Variants in ORC4 observed in about 807,000 individuals in gnomAD.
The protein encoded by ORC4 is origin recognition complex subunit 4, also known as origin recognition complex, subunit 4 homolog.
Under a neutral mutation model 63.9 loss-of-function variants are expected in ORC4, and 55 were observed. The observed-to-expected ratio is 0.86, with a 90% CI of 0.69 to 1.08. The LOEUF is 1.08. Among genes scored for constraint, ORC4 ranks in the 50% least tolerant of loss-of-function variants. The probability of loss-of-function intolerance (pLI) is 0.00; values close to 1 mark genes in which losing one functional copy is unlikely to be tolerated. For missense variants in ORC4, 511 were observed against 504.4 expected, an observed-to-expected ratio of 1.01 and a Z score of -0.13; for synonymous variants, 150 against 168.5, an observed-to-expected ratio of 0.89 and a Z score of 0.85.
At chr2:148,015,345 C>T (rs1409719050) in intron 1 of ORC4, among the ~76,000 whole-genome samples, 2 of 114,352 alleles carry the variant, frequency 1.7e-5, no homozygotes, top group Non-Finnish European at 3.3e-5. Flanking sequence ...GATGGAGTCT[C>T]TCTCTGTTGC....
In ORC4 at chr2:147,982,162, T is replaced by C. The variant is rs1415127535; in HGVS notation, c.-17-6187A>G. 3.3e-5 allele frequency: 5 copies of C among 152,350 alleles called. 1 individual carries two copies. Among genetic ancestry groups the C allele is most frequent in the African/African-American group, 1.2e-4 (5 of 41,586 alleles). The allele number at this position is 152,350 out of a possible 1,614,324, so 9.4% of individuals were successfully genotyped here. A position where few individuals can be genotyped will look rare whatever the true frequency, so the allele number is the denominator to read the frequency against. On this transcript the variant is annotated intron_variant, in intron 1 of 13. Coordinates refer to ENST00000392857, the MANE Select transcript of ORC4 (RefSeq NM_181741.4). The stretch of plus-strand genomic sequence containing the variant: ...TTCTTTCTTAGAAGAAAAGTGGTCT[T>C]CTCAGCTGTCTTAGGATACCTTCTA...
intron 1 of ORC4, among the ~76,000 whole-genome samples, chr2:148,002,169 C>T (rs772443758): frequency 2.0e-5 from 3 of 152,086 alleles, no homozygotes; most frequent in African/African-American, 7.2e-5. Flanking sequence ...CAGTGGGAGA[C>T]TTTAACACCC....
intron 1 of ORC4, among the ~76,000 whole-genome samples, chr2:147,991,960 A>T (rs781699950): frequency 2.6e-5 from 4 of 152,230 alleles, no homozygotes; most frequent in Non-Finnish European, 5.9e-5. Context: ...TAGTTGGAGG[A>T]CTTCTTTAAA....
At position 147,932,445 on chromosome 2, in the gene ORC4, GAA is replaced by G. The variant is rs1211947751; in HGVS notation, c.*3063_*3064del. ...ACCAATGACTTTCTTCACAGAATTG[GAA>G]AAAACTACTTAAGTTCATATGGAAC... On this transcript the variant is annotated 3_prime_UTR_variant, in exon 14 of 14. Coordinates refer to ENST00000392857, the MANE Select transcript of ORC4 (RefSeq NM_181741.4). 6.6e-6 allele frequency: 1 copy of G among 152,036 alleles called. No individual in the cohort carries two copies. The highest frequency in any genetic ancestry group is 2.4e-5 in the African/African-American group (1 of 41,372). 9.4% of individuals were successfully genotyped at this position (152,036 alleles called of 1,614,324 possible).
chr2:147,989,476 T>G (rs1450152103), intron 1 of ORC4, among the ~76,000 whole-genome samples: 1 of 152,074 alleles, frequency 6.6e-6, no homozygotes, highest in Non-Finnish European at 1.5e-5. Flanking sequence ...GAGACTGAGG[T>G]GGGCAGATCA....
intron 1 of ORC4, among the ~76,000 whole-genome samples, chr2:148,007,982 A>AATT (rs1162069545): frequency 6.6e-6 from 1 of 152,218 alleles, no homozygotes; most frequent in Non-Finnish European, 1.5e-5. Context: ...GTGCACAAGT[A>AATT]ACCACGGTTT....
chr2:148,010,668 C>T (rs2105462629), intron 1 of ORC4, among the ~76,000 whole-genome samples: 1 of 151,966 alleles, frequency 6.6e-6, no homozygotes, highest in South Asian at 2.1e-4. Context: ...GAAATAGACC[C>T]ATAATAAGTT....
rs577365257 is a variant in ORC4 at position 147,990,736 on chromosome 2, T to C, written c.-17-14761A>G. ...GCCAGTGAATATTAAAAGGACACAA[T>C]TTACTTAAGGACACATTCAGATTAA... On this transcript the variant is annotated intron_variant, in intron 1 of 13. Transcript: ENST00000392857. 9.2e-5 allele frequency among the ~76,000 whole-genome samples: 14 copies of C among 152,320 alleles called. No individual in the cohort carries two copies. In the South Asian group the frequency reaches 2.3e-3, roughly 25 times the overall value.
chr2:147,947,140 T>A (rs1045151276), intron 9 of ORC4, among the ~76,000 whole-genome samples: 1 of 152,018 alleles, frequency 6.6e-6, no homozygotes, highest in African/African-American at 2.4e-5. Context: ...AATAAAATGA[T>A]CCTTTTTATA....
intron 1 of ORC4, among the ~76,000 whole-genome samples, chr2:148,020,363 CACCTACT>C (rs1312697169): frequency 6.6e-6 from 1 of 152,204 alleles, no homozygotes; most frequent in Non-Finnish European, 1.5e-5. Flanking sequence ...TCACGCTCCT[CACCTACT>C]ACCCCGATGC....
chr2:147,983,616 C>A (rs1691017762), intron 1 of ORC4, among the ~76,000 whole-genome samples: 1 of 152,164 alleles, frequency 6.6e-6, no homozygotes, highest in Admixed American at 6.5e-5. Context: ...CCTCCACAGA[C>A]AGAACATGAT....
chr2:147,989,531 C>T (rs562700812), intron 1 of ORC4, among the ~76,000 whole-genome samples: 1 of 152,190 alleles, frequency 6.6e-6, no homozygotes, highest in African/African-American at 2.4e-5. Context: ...CATGGTGAAA[C>T]TCCATCTCTA....
chr2:147,961,477 TA>T (rs1309506427), intron 4 of ORC4, among the ~76,000 whole-genome samples: 1 of 151,686 alleles, frequency 6.6e-6, no homozygotes, highest in Admixed American at 6.6e-5. Flanking sequence ...AAAATTATAC[TA>T]TCGAGAGTTA....
intron 11 of ORC4, 45 bp downstream of exon 11, chr2:147,939,095 A>G (rs772048876): frequency 8.7e-7 from 1 of 1,145,380 alleles, no homozygotes; most frequent in East Asian, 2.3e-5. Context: ...ATCTAAATTC[A>G]AAGTTTTAAA....
chr2:147,976,678 C>T (rs1249312644), intron 1 of ORC4, among the ~76,000 whole-genome samples: 1 of 152,054 alleles, frequency 6.6e-6, no homozygotes, highest in Non-Finnish European at 1.5e-5. Flanking sequence ...ACCAACAATA[C>T]ACAAATAATC....
At chr2:147,990,049 A>C (rs1426054738) in intron 1 of ORC4, among the ~76,000 whole-genome samples, 1 of 152,224 alleles carries the variant, frequency 6.6e-6, no homozygotes, top group Non-Finnish European at 1.5e-5. Flanking sequence ...AGATGGTGGC[A>C]GAAGAAAACA....
chr2:147,965,117 ACT>A (rs1302364888), intron 4 of ORC4, among the ~76,000 whole-genome samples: 2 of 152,206 alleles, frequency 1.3e-5, no homozygotes, highest in Non-Finnish European at 1.5e-5. Flanking sequence ...AACAGGGAAA[ACT>A]ATAAAACTCA....
In ORC4 at chr2:147,934,015, T is replaced by C. The variant is rs1426935916; in HGVS notation, c.*1495A>G. ...TTGTATCCAAGATTTCATTAAAACATTGTTCCTTAGAGCATACTTTAAAAA... is the reference window on the plus strand; with the variant it reads ...TTGTATCCAAGATTTCATTAAAACACTGTTCCTTAGAGCATACTTTAAAAA... On this transcript the variant is annotated 3_prime_UTR_variant, in exon 14 of 14. Coordinates refer to ENST00000392857, the MANE Select transcript of ORC4 (RefSeq NM_181741.4). 3 of 152,194 alleles carry C rather than the reference T, an allele frequency of 2.0e-5. No homozygotes were observed. Among genetic ancestry groups the C allele is most frequent in the Admixed American group, 6.6e-5 (1 of 15,264 alleles). 9.4% of individuals were successfully genotyped at this position (152,194 alleles called of 1,614,324 possible).
intron 1 of ORC4, among the ~76,000 whole-genome samples, chr2:148,015,341 G>T (rs1455934626): frequency 7.9e-6 from 1 of 126,906 alleles, no homozygotes; most frequent in Non-Finnish European, 1.6e-5. Flanking sequence ...TTGAGATGGA[G>T]TCTCTCTCTG....
Sources: gnomAD v4.1 joint callset for allele counts (sites outside exome capture counted in the v4.1 genomes callset) on GRCh38, gnomAD v4.1.1 for gene constraint, MANE v1.5 for transcripts, NCBI Gene and HGNC (gene_info 2026-07-23, HGNC 2026-07-21) for gene names.